The following FNBP1 variants were observed in gnomAD, a reference collection of about 807,000 sequenced individuals.
FNBP1 encodes formin binding protein 1.
In FNBP1, 26 loss-of-function variants were observed where a neutral mutation model predicts 90.6. The ratio of observed to expected loss-of-function variants is 0.29; its 90% CI spans 0.21 to 0.40. The LOEUF is 0.40. FNBP1 is among the 10% of genes least tolerant of loss of function. FNBP1 has a pLI of 1.00. For missense variants in FNBP1, 635 were observed against 768.0 expected, an observed-to-expected ratio of 0.83 and a Z score of 2.05; for synonymous variants, 260 against 265.2, an observed-to-expected ratio of 0.98 and a Z score of 0.19.
chr9:129,978,350 G>T, intron 4 of FNBP1, 115 bp downstream of exon 4: 1 of 868,850 alleles, frequency 1.2e-6, no homozygotes, highest in South Asian at 1.8e-5. Flanking sequence ...ATTCTCAAAG[G>T]TATGAGTTTA....
chr9:129,955,862 CAT>C (rs1554813888), intron 6 of FNBP1, among the ~76,000 whole-genome samples: 1 of 151,272 alleles, frequency 6.6e-6, no homozygotes, highest in African/African-American at 2.4e-5. Context: ...CACACACACA[CAT>C]ATATGAATGA....
intron 6 of FNBP1, among the ~76,000 whole-genome samples, chr9:129,949,751 G>C (rs1288167789): frequency 6.6e-6 from 1 of 151,588 alleles, no homozygotes; most frequent in East Asian, 1.9e-4. Context: ...AGTGAACACA[G>C]TGCTAATAAA....
chr9:129,994,181 C>T (rs2053637260), intron 2 of FNBP1, among the ~76,000 whole-genome samples: 1 of 152,218 alleles, frequency 6.6e-6, no homozygotes, highest in African/African-American at 2.4e-5. Context: ...ATCACCTAGT[C>T]AGAACGGATG....
chr9:129,976,068 T>C (rs1213534284), intron 4 of FNBP1, among the ~76,000 whole-genome samples: 3 of 152,184 alleles, frequency 2.0e-5, no homozygotes, highest in Non-Finnish European at 4.4e-5. Flanking sequence ...TAGATATTTG[T>C]ACTTCATTCT....
intron 1 of FNBP1, 61 bp from the exon 2 acceptor site, chr9:129,995,019 G>A (rs1589142661): frequency 5.0e-6 from 4 of 802,802 alleles, no homozygotes; most frequent in Non-Finnish European, 8.6e-6. Flanking sequence ...TAATTTCAAT[G>A]AATAATTCTC....
intron 4 of FNBP1, 185 bp downstream of exon 4, chr9:129,978,280 A>G (rs186767402): frequency 4.3e-5 from 22 of 517,188 alleles, no homozygotes; most frequent in African/African-American, 3.5e-4. Flanking sequence ...CGGCCTCCCA[A>G]AGTCCTGGGA....
At chr9:129,958,664 GTA>G in intron 4 of FNBP1, 111 bp from the exon 5 acceptor site, 1 of 828,750 alleles carries the variant, frequency 1.2e-6, no homozygotes, top group African/African-American at 1.8e-5. Flanking sequence ...CCTCTAGTAT[GTA>G]TGCTCCAAAG....
At chr9:130,043,381 G>C (rs2060006329), upstream of FNBP1, among the ~76,000 whole-genome samples, 1 of 152,140 alleles carries the variant, frequency 6.6e-6, no homozygotes, top group African/African-American at 2.4e-5. Context: ...GTGAGGGACG[G>C]CGGGACCCGG....
chr9:130,005,341 A>AT (rs35530412), intron 1 of FNBP1, among the ~76,000 whole-genome samples: 15 of 108,510 alleles, frequency 1.4e-4, no homozygotes, highest in African/African-American at 3.8e-4. Context: ...ACAAATTGAG[A>AT]TTTTTTTTTT....
In FNBP1 at chr9:129,900,037, A is replaced by T. The variant is rs1312332912; in HGVS notation, c.1615T>A (p.Phe539Ile). 20 of 1,613,476 alleles carry T rather than the reference A, an allele frequency of 1.2e-5. No homozygotes were observed. The highest frequency in any genetic ancestry group is 1.7e-5 in the Non-Finnish European group (20 of 1,179,752). ...ESEMKVLATDFDDEFDDEEPL... is the reference protein window; with the variant it reads ...ESEMKVLATDIDDEFDDEEPL... ...TCCTCATCATCAAACTCGTCGTCAA[A>T]ATCCGTGGCCAGCACCTTCATCTCA... The change falls in exon 15 of 17, where the codon TTT becomes ATT. Residue 539 changes from phenylalanine to isoleucine, a missense_variant. Transcript: ENST00000446176. This position sits in a 1 kb window ranked among gnomAD's most constrained non-coding sequence, Gnocchi z 4.1.
rs376832147 is a variant in FNBP1, at chr9:129,973,661, C to T, written c.345+4804G>A. Among the ~76,000 whole-genome samples, 579 of 150,074 alleles carry T rather than the reference C, an allele frequency of 3.9e-3. 4 individuals are homozygous for T. The highest frequency in any genetic ancestry group is 0.014 in the African/African-American group (552 of 40,764). On this transcript the variant is annotated intron_variant, in intron 4 of 16. Coordinates refer to ENST00000446176, the MANE Select transcript of FNBP1 (RefSeq NM_015033.3). The stretch of plus-strand genomic sequence containing the variant: ...GACTACAGGCGCCCGCCACCATGCC[C>T]GGCTAATTTTTTTTTTTTTTTTTTA...
chr9:129,968,082 C>G (rs572780627), intron 4 of FNBP1, among the ~76,000 whole-genome samples: 83 of 151,916 alleles, frequency 5.5e-4, no homozygotes, highest in African/African-American at 1.9e-3. Flanking sequence ...CAGAATGCCA[C>G]TTTTACATGT....
At position 129,970,310 on chromosome 9, in the gene FNBP1, A is replaced by G. The variant is rs1377702189; in HGVS notation, c.345+8155T>C. On this transcript the variant is annotated intron_variant, in intron 4 of 16. Coordinates refer to ENST00000446176, the MANE Select transcript of FNBP1 (RefSeq NM_015033.3). Reference sequence around the variant, plus strand: ...AACCTCTGCCTCCTGCATTCAAGCAATTCTCCTGCCTCAGCCTCCCGAGTA... The same window carrying G: ...AACCTCTGCCTCCTGCATTCAAGCAGTTCTCCTGCCTCAGCCTCCCGAGTA... 3.9e-5 allele frequency among the ~76,000 whole-genome samples: 6 copies of G among 151,932 alleles called. No individual in the cohort carries two copies. The South Asian group carries it at 1.2e-3, about 32-fold the overall frequency.
At chr9:129,906,318 T>C (rs1277532151) in intron 12 of FNBP1, among the ~76,000 whole-genome samples, 2 of 152,228 alleles carry the variant, frequency 1.3e-5, no homozygotes, top group African/African-American at 4.8e-5. Context: ...GAAAATGTTC[T>C]TATGTGGGCT....
intron 1 of FNBP1, among the ~76,000 whole-genome samples, chr9:130,004,288 C>T (rs1456876676): frequency 6.6e-6 from 1 of 151,706 alleles, no homozygotes; most frequent in Admixed American, 6.6e-5. Flanking sequence ...TGTACTAAAC[C>T]AACATTAATT....
intron 1 of FNBP1, among the ~76,000 whole-genome samples, chr9:130,024,245 A>ACC (rs111969260): frequency 8.6e-5 from 13 of 150,358 alleles, no homozygotes; most frequent in South Asian, 4.2e-4. Context: ...TCCTATCTCT[A>ACC]CCCCCCCCAA....
chr9:129,988,326 A>G (rs552977071), intron 2 of FNBP1, among the ~76,000 whole-genome samples: 3 of 152,196 alleles, frequency 2.0e-5, no homozygotes, highest in African/African-American at 4.8e-5. Flanking sequence ...AACCTATACT[A>G]CCTTGAATAG....
intron 16 of FNBP1, among the ~76,000 whole-genome samples, chr9:129,893,352 C>T (rs2035293342): frequency 1.3e-5 from 2 of 151,232 alleles, no homozygotes; most frequent in African/African-American, 4.9e-5. Context: ...CCTGTAATCC[C>T]AGCACTTTGG....
intron 1 of FNBP1, among the ~76,000 whole-genome samples, chr9:130,039,199 C>T (rs1198695489): frequency 4.6e-5 from 7 of 152,324 alleles, no homozygotes; most frequent in South Asian, 2.1e-4. Flanking sequence ...AACCTACTTT[C>T]TATGCTTCCA....
Sources: gnomAD v4.1 joint callset for allele counts (sites outside exome capture counted in the v4.1 genomes callset) on GRCh38, gnomAD v4.1.1 for gene constraint, Gnocchi (gnomAD v3.1) non-coding constraint, MANE v1.5 for transcripts, NCBI Gene and HGNC (gene_info 2026-07-23, HGNC 2026-07-21) for gene names.